The following SLC25A40 variants were observed in gnomAD, a reference collection of about 807,000 sequenced individuals.
SLC25A40 encodes the protein solute carrier family 25 member 40.
In SLC25A40, 41 loss-of-function variants were observed where a neutral mutation model predicts 46.5. The observed-to-expected ratio is 0.88, with a 90% confidence interval of 0.69 to 1.14. The LOEUF (loss-of-function observed/expected upper bound fraction) is 1.14, where lower values mean the gene tolerates loss of function less well. SLC25A40 is among the 50% of genes most tolerant of loss of function. SLC25A40 has a pLI of 0.00. For missense variants in SLC25A40, 386 were observed against 393.6 expected, an observed-to-expected ratio of 0.98 and a Z score of 0.16; for synonymous variants, 126 against 127.5, an observed-to-expected ratio of 0.99 and a Z score of 0.08.
chr7:87,857,462 G>A (rs1047594056), intron 3 of SLC25A40, among the ~76,000 whole-genome samples: 4 of 152,120 alleles, frequency 2.6e-5, no homozygotes, highest in African/African-American at 7.2e-5. Context: ...TCTGTCCAGG[G>A]TTGTTTTCAT....
chr7:87,853,985 T>C (rs1838560519), intron 5 of SLC25A40, among the ~76,000 whole-genome samples: 1 of 152,186 alleles, frequency 6.6e-6, no homozygotes, highest in African/African-American at 2.4e-5. Context: ...CATTTTATAT[T>C]ATCTCAAAAT....
chr7:87,850,990 A>G (rs1006001486), intron 5 of SLC25A40, among the ~76,000 whole-genome samples: 1 of 152,206 alleles, frequency 6.6e-6, no homozygotes, highest in Non-Finnish European at 1.5e-5. Context: ...TTTAGAAAAT[A>G]GCCTAGCAGT....
Position 87,847,136 on chromosome 7 carries a change from G to A in SLC25A40, c.458-14C>T, listed in dbSNP as rs760930350. On this transcript the variant is annotated splice_polypyrimidine_tract_variant and intron_variant, in intron 7 of 11. Transcript: ENST00000341119. ...TTACTGCACCAACTAATACAAACAA[G>A]TTAAAAAAAAGAAAACAAAAATAAA... 5.2e-6 allele frequency: 8 copies of A among 1,544,732 alleles called. No homozygotes were observed. The highest frequency in any genetic ancestry group is 2.0e-5 in the Admixed American group (1 of 49,858).
At chr7:87,849,280 T>C (rs1346857018) in intron 6 of SLC25A40, among the ~76,000 whole-genome samples, 1 of 152,166 alleles carries the variant, frequency 6.6e-6, no homozygotes, top group African/African-American at 2.4e-5. Flanking sequence ...GCCTGACCTC[T>C]GGACAACTCG....
chr7:87,858,073 A>G (rs1317162842), intron 3 of SLC25A40, among the ~76,000 whole-genome samples: 2 of 152,318 alleles, frequency 1.3e-5, no homozygotes, highest in East Asian at 3.9e-4. Context: ...GGTCTCCTGC[A>G]GTACCCTCAG....
At chr7:87,852,284 A>C (rs1015976507) in intron 5 of SLC25A40, among the ~76,000 whole-genome samples, 1 of 152,222 alleles carries the variant, frequency 6.6e-6, no homozygotes, top group African/African-American at 2.4e-5. Context: ...CTTTGAAAAA[A>C]AAATAAATAA....
intron 8 of SLC25A40, 112 bp from the exon 9 acceptor site, chr7:87,843,975 A>T: frequency 7.4e-7 from 1 of 1,356,808 alleles, no homozygotes; most frequent in Non-Finnish European, 9.5e-7. Context: ...ACCTTGACAT[A>T]CCTTGCTTTC....
chr7:87,868,182 A>G (rs537167285), intron 1 of SLC25A40, among the ~76,000 whole-genome samples: 2 of 152,146 alleles, frequency 1.3e-5, no homozygotes, highest in Non-Finnish European at 2.9e-5. Context: ...CTGGCTGTCC[A>G]CCTCAATCTC....
At chr7:87,837,943 G>T (rs1838280030) in intron 10 of SLC25A40, among the ~76,000 whole-genome samples, 1 of 151,304 alleles carries the variant, frequency 6.6e-6, no homozygotes, top group Admixed American at 6.6e-5. Flanking sequence ...AAGAAGCCTG[G>T]GAGAGAAAAG....
chr7:87,840,922 T>C (rs1838322080), intron 10 of SLC25A40, among the ~76,000 whole-genome samples: 2 of 151,796 alleles, frequency 1.3e-5, no homozygotes, highest in African/African-American at 4.8e-5. Context: ...ATTTACATTA[T>C]AATAGTCTTA....
chr7:87,867,904 G>T (rs1280877824), intron 1 of SLC25A40, among the ~76,000 whole-genome samples: 3 of 152,258 alleles, frequency 2.0e-5, no homozygotes, highest in African/African-American at 7.2e-5. Flanking sequence ...TCACAGCAGT[G>T]TGAGAAGGAT....
rs1838251993 is a variant in SLC25A40 at position 87,835,883 on chromosome 7, A to G, written c.*366T>C. 1 of 169,708 alleles carries G rather than the reference A, an allele frequency of 5.9e-6. No homozygotes were observed. The highest frequency in any genetic ancestry group is 6.5e-5 in the Admixed American group (1 of 15,360). The allele number at this position is 169,708 out of a possible 1,614,324, so 10.5% of individuals were successfully genotyped here. On this transcript the variant is annotated 3_prime_UTR_variant, in exon 12 of 12. Transcript: ENST00000341119. ...GACTTGGGCTTTTTTCTTCTAGACT[A>G]TGTACATCATTCAGCACACAATTCA...
intron 1 of SLC25A40, among the ~76,000 whole-genome samples, chr7:87,862,744 G>A (rs1025892398): frequency 6.6e-6 from 1 of 152,128 alleles, no homozygotes; most frequent in Non-Finnish European, 1.5e-5. Flanking sequence ...GTGTTTTAAT[G>A]AACTCACAGT....
At chr7:87,841,816 C>A in intron 9 of SLC25A40, 102 bp from the exon 10 acceptor site, 1 of 559,118 alleles carries the variant, frequency 1.8e-6, no homozygotes. Context: ...ATAATGAAAA[C>A]AATAACCGAA....
intron 2 of SLC25A40, among the ~76,000 whole-genome samples, chr7:87,859,759 T>C (rs1432727936): frequency 6.6e-6 from 1 of 152,196 alleles, no homozygotes; most frequent in African/African-American, 2.4e-5. Flanking sequence ...CAGTTTCAGA[T>C]TGTTAGATAT....
At chr7:87,850,052 C>CT (rs1838485314) in intron 5 of SLC25A40, 104 bp from the exon 6 acceptor site, 1 of 724,718 alleles carries the variant, frequency 1.4e-6, no homozygotes, top group South Asian at 2.3e-5. Context: ...GTATTTATAT[C>CT]TAAAAAAATA....
chr7:87,837,069 A>G (rs1336519598), intron 10 of SLC25A40: 1 of 203,372 alleles, frequency 4.9e-6, no homozygotes, highest in Non-Finnish European at 9.8e-6. Flanking sequence ...GTTTCTCCTG[A>G]CTTGATAATG....
At chr7:87,852,811 A>G (rs7794263) in intron 5 of SLC25A40, among the ~76,000 whole-genome samples, 7,440 of 152,302 alleles carry the variant, frequency 0.049, 275 homozygotes, top group East Asian at 0.092. Context: ...GTGGACACCC[A>G]TAGGCAGCAA....
chr7:87,858,770 A>G lies in SLC25A40; in HGVS notation c.-24-19T>C, dbSNP rs927764236. 2.3e-6 allele frequency: 3 copies of G among 1,330,940 alleles called. No individual in the cohort carries two copies. The highest frequency in any genetic ancestry group is 3.2e-6 in the Non-Finnish European group (3 of 927,704). 82.4% of individuals were successfully genotyped at this position (1,330,940 alleles called of 1,614,324 possible). ...TAAAAACCTGTTAAAAAGAAAACAT[A>G]AAATTAGAGCACATCCTCTGATCTT... On this transcript the variant is annotated intron_variant, in intron 2 of 11. Transcript: ENST00000341119.
Sources: gnomAD v4.1 joint callset for allele counts (sites outside exome capture counted in the v4.1 genomes callset) on GRCh38, gnomAD v4.1.1 for gene constraint, MANE v1.5 for transcripts, NCBI Gene and HGNC (gene_info 2026-07-23, HGNC 2026-07-21) for gene names.